HHAT: variants seen among roughly 807,000 people sequenced by gnomAD.
HHAT encodes protein-cysteine N-palmitoyltransferase HHAT.
HHAT carries 47 observed loss-of-function variants against 70.8 expected under a neutral mutation model. That is an observed-to-expected ratio of 0.66 (90% CI 0.53 to 0.85). The LOEUF (loss-of-function observed/expected upper bound fraction) is 0.85. Among genes scored for constraint, HHAT ranks in the 40% least tolerant of loss-of-function variants. The probability of loss-of-function intolerance (pLI) is 0.00; values close to 1 mark genes in which losing one functional copy is unlikely to be tolerated. For missense variants in HHAT, 609 were observed against 604.8 expected, an observed-to-expected ratio of 1.01 and a Z score of -0.07; for synonymous variants, 228 against 247.6, an observed-to-expected ratio of 0.92 and a Z score of 0.74.
chr1:210,568,566 T>C (rs998346949), intron 9 of HHAT, among the ~76,000 whole-genome samples: 1 of 152,162 alleles, frequency 6.6e-6, no homozygotes, highest in Admixed American at 6.5e-5. Flanking sequence ...AAAATGAAAG[T>C]ATCCTCTATG....
intron 11 of HHAT, among the ~76,000 whole-genome samples, chr1:210,644,476 G>A (rs769388669): frequency 1.2e-4 from 18 of 151,746 alleles, no homozygotes; most frequent in African/African-American, 2.7e-4. Context: ...GGTGGTGGGC[G>A]CCCATAATCT....
intron 8 of HHAT, among the ~76,000 whole-genome samples, chr1:210,480,868 C>A (rs1402137669): frequency 6.6e-6 from 1 of 152,186 alleles, no homozygotes; most frequent in African/African-American, 2.4e-5. Flanking sequence ...CTTGTCAGAT[C>A]TCTGCTTCAG....
At position 210,436,323 on chromosome 1, in the gene HHAT, C is replaced by CT. The variant is rs371385090; in HGVS notation, c.856+18008dup. Among the ~76,000 whole-genome samples, 132 of 146,678 alleles carry CT rather than the reference C, an allele frequency of 9.0e-4. 1 individual carries two copies. Among genetic ancestry groups the CT allele is most frequent in the African/African-American group, 2.0e-3 (79 of 39,828 alleles). ...TATCCTATTGCATTGATCTGTATGTCTTTTTTTTTTAATGCCAGTACCATG... is the reference window on the plus strand; with the variant it reads ...TATCCTATTGCATTGATCTGTATGTCTTTTTTTTTTTAATGCCAGTACCATG... On this transcript the variant is annotated intron_variant, in intron 7 of 11. Transcript: ENST00000261458.
At chr1:210,421,245 C>CT (rs34167652) in intron 7 of HHAT, among the ~76,000 whole-genome samples, 67,875 of 151,882 alleles carry the variant, frequency 0.45, 15,278 homozygotes, top group Admixed American at 0.53. Flanking sequence ...TACTACAAAG[C>CT]TGTAGTAACC....
chr1:210,632,979 AG>A (rs200135419), intron 11 of HHAT, among the ~76,000 whole-genome samples: 2,609 of 152,288 alleles, frequency 0.017, 37 homozygotes, highest in Middle Eastern at 0.027. Flanking sequence ...AGAACAAGGA[AG>A]GCTCCTCCCC....
At chr1:210,663,232 G>A (rs936949817) in intron 11 of HHAT, among the ~76,000 whole-genome samples, 1 of 152,162 alleles carries the variant, frequency 6.6e-6, no homozygotes. Flanking sequence ...GAGATGGGGG[G>A]ACCGAGTGAG....
At chr1:210,482,572 C>T (rs557595202) in intron 8 of HHAT, among the ~76,000 whole-genome samples, 1 of 152,274 alleles carries the variant, frequency 6.6e-6, no homozygotes, top group Non-Finnish European at 1.5e-5. Flanking sequence ...GATCCCAGCC[C>T]TTGAAAGCCA....
chr1:210,361,321 A>T (rs1180236922), intron 2 of HHAT, among the ~76,000 whole-genome samples: 3 of 152,178 alleles, frequency 2.0e-5, no homozygotes, highest in Non-Finnish European at 4.4e-5. Context: ...GCAACACGCA[A>T]ATAGGTGCGT....
intron 9 of HHAT, among the ~76,000 whole-genome samples, chr1:210,573,367 G>A (rs942117909): frequency 2.0e-5 from 3 of 152,052 alleles, no homozygotes; most frequent in African/African-American, 7.2e-5. Flanking sequence ...TGTGACCCTC[G>A]AACACACTGG....
chr1:210,395,998 T>A (rs992952238), intron 4 of HHAT, among the ~76,000 whole-genome samples: 1 of 152,130 alleles, frequency 6.6e-6, no homozygotes. Flanking sequence ...GACTATCAAG[T>A]AGAGTCAGAC....
chr1:210,629,869 C>T (rs536913278), intron 11 of HHAT, among the ~76,000 whole-genome samples: 28 of 146,994 alleles, frequency 1.9e-4, no homozygotes, highest in South Asian at 1.1e-3. Flanking sequence ...TTTTTTGAGA[C>T]GGAGTCTCTG....
chr1:210,568,034 T>C (rs1006128719), intron 9 of HHAT, among the ~76,000 whole-genome samples: 2 of 152,240 alleles, frequency 1.3e-5, no homozygotes, highest in African/African-American at 4.8e-5. Flanking sequence ...AGGATGAGGC[T>C]CATCACTAGA....
At chr1:210,656,502 G>A (rs375915615) in intron 11 of HHAT, among the ~76,000 whole-genome samples, 6 of 152,260 alleles carry the variant, frequency 3.9e-5, no homozygotes, top group South Asian at 2.1e-4. Flanking sequence ...CCAGGCAGCC[G>A]TGCTCATCCC....
chr1:210,571,784 T>C (rs1238730076), intron 9 of HHAT, among the ~76,000 whole-genome samples: 2 of 152,214 alleles, frequency 1.3e-5, no homozygotes, highest in African/African-American at 4.8e-5. Flanking sequence ...AGCTGACATC[T>C]TTGGATTTCT....
At chr1:210,667,119 A>T (rs1459195224) in intron 11 of HHAT, among the ~76,000 whole-genome samples, 1 of 151,140 alleles carries the variant, frequency 6.6e-6, no homozygotes, top group Non-Finnish European at 1.5e-5. Flanking sequence ...ACTGTGGCTC[A>T]TGCCTGTAAT....
chr1:210,495,503 A>G (rs568679579), intron 8 of HHAT, among the ~76,000 whole-genome samples: 333 of 152,232 alleles, frequency 2.2e-3, no homozygotes, highest in South Asian at 0.012. Flanking sequence ...ACTCTCAGTT[A>G]TTGCAAGAAT....
At chr1:210,665,072 G>A (rs935167644) in intron 11 of HHAT, among the ~76,000 whole-genome samples, 17 of 152,318 alleles carry the variant, frequency 1.1e-4, no homozygotes, top group Admixed American at 3.3e-4. Context: ...TCTGGAGGTT[G>A]AAATTTATCA....
chr1:210,331,255 GGT>G (rs2084959728), intron 1 of HHAT, among the ~76,000 whole-genome samples: 1 of 152,168 alleles, frequency 6.6e-6, no homozygotes, highest in Non-Finnish European at 1.5e-5. Context: ...CATCTGGGGG[GGT>G]GTGTTGGTAG....
chr1:210,591,696 C>T (rs1056227607), intron 10 of HHAT, among the ~76,000 whole-genome samples: 1 of 152,048 alleles, frequency 6.6e-6, no homozygotes, highest in Non-Finnish European at 1.5e-5. Flanking sequence ...CTTTTCTCCA[C>T]ATCCTTACCA....
Sources: allele counts gnomAD v4.1 joint callset (sites outside exome capture counted in the v4.1 genomes callset), GRCh38; gene constraint gnomAD v4.1.1; transcripts MANE v1.5; gene names NCBI Gene and HGNC (gene_info 2026-07-23, HGNC 2026-07-21).